The following RSU1 variants were observed in gnomAD, a reference collection of about 807,000 sequenced individuals.
RSU1 encodes the protein rsu-1.
In RSU1, 26 loss-of-function variants were observed where a neutral mutation model predicts 31.1. The observed-to-expected ratio is 0.84, with a 90% CI of 0.61 to 1.16. RSU1 has a LOEUF of 1.16. Among genes scored for constraint, RSU1 ranks in the 50% most tolerant of loss-of-function variants. The pLI is 0.00. For synonymous variants in RSU1, 164 were observed against 136.3 expected, an observed-to-expected ratio of 1.20 and a Z score of -1.41; for missense variants, 320 against 339.1, an observed-to-expected ratio of 0.94 and a Z score of 0.44.
At chr10:16,645,192 T>C (rs1365743192) in intron 8 of RSU1, among the ~76,000 whole-genome samples, 1 of 152,172 alleles carries the variant, frequency 6.6e-6, no homozygotes, top group Non-Finnish European at 1.5e-5. Flanking sequence ...TAAATAAGGA[T>C]TTGGGCTAGC....
chr10:16,799,009 G>A (rs1209786151), intron 2 of RSU1, among the ~76,000 whole-genome samples: 1 of 152,154 alleles, frequency 6.6e-6, no homozygotes, highest in Non-Finnish European at 1.5e-5. Context: ...CAGAGTATAA[G>A]CTTCAGACAA....
chr10:16,768,102 T>C (rs1837350207), intron 3 of RSU1, among the ~76,000 whole-genome samples: 1 of 152,202 alleles, frequency 6.6e-6, no homozygotes, highest in Non-Finnish European at 1.5e-5. Flanking sequence ...CGATCCTTTT[T>C]CATCAATCTG....
At chr10:16,626,041 C>G (rs78315524) in intron 8 of RSU1, among the ~76,000 whole-genome samples, 1,693 of 151,954 alleles carry the variant, frequency 0.011, 29 homozygotes, top group African/African-American at 0.039. Flanking sequence ...CAATCCTTTT[C>G]CTTTTTTCTT....
chr10:16,795,702 G>A (rs1838015692), intron 2 of RSU1, among the ~76,000 whole-genome samples: 1 of 152,190 alleles, frequency 6.6e-6, no homozygotes, highest in Admixed American at 6.5e-5. Context: ...CAACTGCATG[G>A]CATTTTATGA....
In RSU1 at chr10:16,685,629, T is replaced by C. The variant is rs1370330129; in HGVS notation, c.731+9394A>G. On this transcript the variant is annotated intron_variant, in intron 8 of 8. Transcript: ENST00000345264. Reference sequence around the variant, plus strand: ...TGAGGACGACCAGAGGTTACTCTCATCGCCATCTTGGTTTTGTTGGATTTG... The same window carrying C: ...TGAGGACGACCAGAGGTTACTCTCACCGCCATCTTGGTTTTGTTGGATTTG... Among the ~76,000 whole-genome samples the C allele has an allele frequency of 2.7e-5, 4 of 149,484 alleles. No homozygotes were observed. In the East Asian group the frequency reaches 7.7e-4, roughly 29 times the overall value.
At chr10:16,745,911 G>A (rs1479797966) in intron 7 of RSU1, among the ~76,000 whole-genome samples, 1 of 152,156 alleles carries the variant, frequency 6.6e-6, no homozygotes, top group East Asian at 1.9e-4. Flanking sequence ...AGTAACAGAA[G>A]AGAAGATAAA....
At chr10:16,803,673 C>A (rs1335087897) in intron 2 of RSU1, among the ~76,000 whole-genome samples, 1 of 152,110 alleles carries the variant, frequency 6.6e-6, no homozygotes, top group Non-Finnish European at 1.5e-5. Flanking sequence ...CAGAAATAGA[C>A]CCACACAAAT....
intron 8 of RSU1, among the ~76,000 whole-genome samples, chr10:16,634,107 G>A (rs1345863504): frequency 6.6e-6 from 1 of 152,204 alleles, no homozygotes; most frequent in Non-Finnish European, 1.5e-5. Context: ...ACCTTCACCA[G>A]GCAGTGCTGA....
intron 8 of RSU1, among the ~76,000 whole-genome samples, chr10:16,691,882 G>A (rs913307615): frequency 2.6e-5 from 4 of 151,854 alleles, no homozygotes; most frequent in African/African-American, 9.7e-5. Flanking sequence ...GGGATTACAG[G>A]CACCCACCAC....
chr10:16,757,919 G>A (rs1837131524), intron 4 of RSU1, among the ~76,000 whole-genome samples: 1 of 152,202 alleles, frequency 6.6e-6, no homozygotes, highest in East Asian at 1.9e-4. Flanking sequence ...TTAGGTAGAG[G>A]AAATCCACGG....
intron 7 of RSU1, among the ~76,000 whole-genome samples, chr10:16,723,715 G>A (rs191917267): frequency 2.9e-4 from 44 of 152,260 alleles, no homozygotes; most frequent in African/African-American, 9.9e-4. Context: ...GCTAACACAG[G>A]ACAGTGGACA....
At chr10:16,797,856 C>CTTCTTTT (rs1554775554) in intron 2 of RSU1, among the ~76,000 whole-genome samples, 68 of 103,520 alleles carry the variant, frequency 6.6e-4, no homozygotes, top group East Asian at 2.1e-3. Flanking sequence ...GGGATTTCTT[C>CTTCTTTT]TTTTTTTTTT....
chr10:16,664,140 C>G (rs1015895398), intron 8 of RSU1, among the ~76,000 whole-genome samples: 4 of 152,126 alleles, frequency 2.6e-5, no homozygotes, highest in Non-Finnish European at 4.4e-5. Context: ...TAATGCATCT[C>G]CTTTAACACA....
chr10:16,648,739 C>A (rs1159796158), intron 8 of RSU1, among the ~76,000 whole-genome samples: 1 of 151,710 alleles, frequency 6.6e-6, no homozygotes, highest in East Asian at 1.9e-4. Context: ...CAAAGAGCTG[C>A]CAGCTTTCAC....
At position 16,816,996 on chromosome 10, in the gene RSU1, T is replaced by C. The variant is rs894740365; in HGVS notation, c.86A>G (p.Asn29Ser). 2 of 1,613,764 alleles carry C rather than the reference T, an allele frequency of 1.2e-6. No individual in the cohort carries two copies. The highest frequency in any genetic ancestry group is 1.1e-5 in the South Asian group (1 of 91,090). ...EVDMSDRGIS[N>S]MLDVNGLFTL... is the part of the protein sequence containing the mutation. Reference sequence around the variant, plus strand: ...ACAGAGGCCGTTGACATCCAGCATGTTGGAGATGCCCCGGTCACTCATGTC... The same window carrying C: ...ACAGAGGCCGTTGACATCCAGCATGCTGGAGATGCCCCGGTCACTCATGTC... Residue 29 changes from asparagine (N) to serine (S), a missense_variant, in exon 2 of 9, where the codon AAC (asparagine) becomes AGC (serine). Asn to Ser is a conservative substitution (Grantham distance 46). Transcript: ENST00000345264.
intron 8 of RSU1, among the ~76,000 whole-genome samples, chr10:16,626,754 T>C (rs554769202): frequency 7.2e-5 from 11 of 152,308 alleles, no homozygotes; most frequent in African/African-American, 2.6e-4. Context: ...CTGTAGACTT[T>C]TGGAAATCTA....
chr10:16,758,705 A>T (rs960180847), intron 4 of RSU1, among the ~76,000 whole-genome samples: 3 of 152,190 alleles, frequency 2.0e-5, no homozygotes, highest in African/African-American at 7.2e-5. Context: ...TTCTCAGGGA[A>T]TGAGAGCTGT....
intron 8 of RSU1, among the ~76,000 whole-genome samples, chr10:16,690,605 G>A (rs1476533998): frequency 1.3e-5 from 2 of 152,060 alleles, no homozygotes; most frequent in African/African-American, 4.8e-5. Context: ...TGAATTCATT[G>A]TTTTCTTTCA....
intron 7 of RSU1, among the ~76,000 whole-genome samples, chr10:16,732,673 C>G (rs1030939986): frequency 6.6e-6 from 1 of 152,174 alleles, no homozygotes; most frequent in African/African-American, 2.4e-5. Flanking sequence ...TAGACTATCT[C>G]AAGCCATGAT....
Sources: allele counts gnomAD v4.1 joint callset (sites outside exome capture counted in the v4.1 genomes callset), GRCh38; gene constraint gnomAD v4.1.1; transcripts MANE v1.5; gene names NCBI Gene and HGNC (gene_info 2026-07-23, HGNC 2026-07-21).